Variants in CSMD1 observed in about 807,000 individuals in gnomAD.
CSMD1 encodes the protein CUB and sushi domain-containing protein 1.
In CSMD1, 213 loss-of-function variants were observed where a neutral mutation model predicts 417.5. The observed-to-expected ratio is 0.51, with a 90% CI of 0.46 to 0.57. CSMD1 has a LOEUF of 0.57. CSMD1 is among the 20% of genes least tolerant of loss of function. The pLI, the probability that CSMD1 is intolerant of heterozygous loss-of-function variation, is 0.00. For synonymous variants in CSMD1, 2,862 were observed against 1,736.8 expected (o/e 1.65, Z -16.11); for missense variants, 6,923 against 4,529.7 (o/e 1.53, Z -15.17).
chr8:3,266,962 T>C (rs956544982), intron 26 of CSMD1, among the ~76,000 whole-genome samples: 19 of 152,190 alleles, frequency 1.2e-4, no homozygotes, highest in East Asian at 5.8e-4. Context: ...GTATAAAATT[T>C]TGCTCTAAAA....
At chr8:3,490,904 A>C (rs2406292) in intron 11 of CSMD1, among the ~76,000 whole-genome samples, 10,503 of 151,520 alleles carry the variant, frequency 0.069, 447 homozygotes, top group East Asian at 0.14. Flanking sequence ...TTTGTCAACA[A>C]AAAAGAGTCA....
At chr8:4,881,666 G>T (rs746710504) in intron 1 of CSMD1, among the ~76,000 whole-genome samples, 3 of 151,126 alleles carry the variant, frequency 2.0e-5, no homozygotes, top group East Asian at 3.9e-4. Context: ...AATACATAAA[G>T]AGTCTTTAAG....
intron 3 of CSMD1, among the ~76,000 whole-genome samples, chr8:4,411,573 G>C (rs1191546554): frequency 6.6e-6 from 1 of 151,930 alleles, no homozygotes; most frequent in Non-Finnish European, 1.5e-5. Context: ...TGTGCTCATT[G>C]CAATGAGCTA....
intron 5 of CSMD1, among the ~76,000 whole-genome samples, chr8:3,981,011 A>T (rs547634807): frequency 1.3e-5 from 2 of 152,292 alleles, no homozygotes; most frequent in South Asian, 4.1e-4. Context: ...GAGGTTCTTC[A>T]AGGTTCAACT....
intron 62 of CSMD1, among the ~76,000 whole-genome samples, chr8:2,960,362 C>T (rs75448807): frequency 6.6e-6 from 1 of 152,290 alleles, no homozygotes; most frequent in African/African-American, 2.4e-5. Flanking sequence ...GGAATATTTT[C>T]GTGCTCACGA....
chr8:3,688,271 C>G (rs1159228247), intron 7 of CSMD1, among the ~76,000 whole-genome samples: 1 of 152,110 alleles, frequency 6.6e-6, no homozygotes, highest in Non-Finnish European at 1.5e-5. Flanking sequence ...TGTCTCTTTT[C>G]TTTTGAAACG....
At chr8:3,040,470 A>G (rs13262920) in intron 50 of CSMD1, among the ~76,000 whole-genome samples, 7 of 148,372 alleles carry the variant, frequency 4.7e-5, no homozygotes, top group Non-Finnish European at 8.9e-5. Context: ...CTATCTATCT[A>G]TATATATAAA....
chr8:3,459,380 G>A (rs1052166844), intron 12 of CSMD1, among the ~76,000 whole-genome samples: 5 of 152,132 alleles, frequency 3.3e-5, no homozygotes, highest in African/African-American at 1.2e-4. Flanking sequence ...TCGCACGGTG[G>A]ATCCTTCTCA....
intron 3 of CSMD1, among the ~76,000 whole-genome samples, chr8:4,199,076 G>C (rs1799502691): frequency 6.6e-6 from 1 of 152,134 alleles, no homozygotes; most frequent in Non-Finnish European, 1.5e-5. Flanking sequence ...CCCTGAGGTA[G>C]TAGAGCCAGC....
chr8:4,863,979 A>C (rs1563620744), intron 1 of CSMD1, among the ~76,000 whole-genome samples: 1 of 152,046 alleles, frequency 6.6e-6, no homozygotes, highest in Admixed American at 6.6e-5. Context: ...AAAATGATTC[A>C]TATTTTATTC....
intron 1 of CSMD1, among the ~76,000 whole-genome samples, chr8:4,719,506 T>C (rs1362805713): frequency 6.6e-6 from 1 of 151,984 alleles, no homozygotes; most frequent in African/African-American, 2.4e-5. Context: ...GTAAGTAATT[T>C]AGTCCCCACC....
intron 33 of CSMD1, among the ~76,000 whole-genome samples, chr8:3,196,170 T>C (rs751874341): frequency 1.3e-5 from 2 of 152,110 alleles, no homozygotes; most frequent in African/African-American, 2.4e-5. Context: ...TGTATTAGCA[T>C]GCTAAAAGAC....
chr8:3,298,901 A>G (rs1019642098), intron 25 of CSMD1, among the ~76,000 whole-genome samples: 1 of 152,154 alleles, frequency 6.6e-6, no homozygotes, highest in Non-Finnish European at 1.5e-5. Context: ...TTCTGGTTAC[A>G]TGGGGGTGTT....
intron 5 of CSMD1, among the ~76,000 whole-genome samples, chr8:3,926,538 T>C (rs1488668424): frequency 1.3e-5 from 2 of 151,938 alleles, no homozygotes; most frequent in Non-Finnish European, 2.9e-5. Context: ...AAGCAAATAA[T>C]TGTTTCTTTT....
At chr8:4,411,472 AT>A (rs1417496298) in intron 3 of CSMD1, among the ~76,000 whole-genome samples, 1 of 152,192 alleles carries the variant, frequency 6.6e-6, no homozygotes, top group Non-Finnish European at 1.5e-5. Flanking sequence ...TCAAATTCCA[AT>A]TAAGAGCCAG....
intron 3 of CSMD1, among the ~76,000 whole-genome samples, chr8:4,217,001 G>C (rs1279024204): frequency 3.9e-5 from 6 of 152,226 alleles, no homozygotes; most frequent in South Asian, 2.1e-4. Flanking sequence ...TCTCTAACTA[G>C]AATTGTCTTG....
chr8:4,316,261 G>C (rs544128192), intron 3 of CSMD1, among the ~76,000 whole-genome samples: 1 of 152,024 alleles, frequency 6.6e-6, no homozygotes, highest in Non-Finnish European at 1.5e-5. Flanking sequence ...TTTCATCCTC[G>C]AATCTGAATT....
At chr8:4,992,042 A>T (rs1811496767) in intron 1 of CSMD1, among the ~76,000 whole-genome samples, 1 of 151,808 alleles carries the variant, frequency 6.6e-6, no homozygotes, top group African/African-American at 2.4e-5. Context: ...GGGGCCTGGG[A>T]CCCTGGGCTC....
intron 37 of CSMD1, among the ~76,000 whole-genome samples, chr8:3,169,655 T>A (rs1479711381): frequency 2.6e-5 from 4 of 152,182 alleles, no homozygotes; most frequent in African/African-American, 4.8e-5. Flanking sequence ...CATGATGTCA[T>A]GTTATTTATA....
Sources: allele counts gnomAD v4.1 joint callset (sites outside exome capture counted in the v4.1 genomes callset), GRCh38; gene constraint gnomAD v4.1.1; transcripts MANE v1.5; gene names NCBI Gene and HGNC (gene_info 2026-07-23, HGNC 2026-07-21).